Variants in ECPAS observed in about 807,000 individuals in gnomAD.
ECPAS encodes the protein Ecm29 proteasome adaptor and scaffold.
Under a neutral mutation model 255.1 loss-of-function variants are expected in ECPAS, and 70 were observed. That is an observed-to-expected ratio of 0.27 (90% CI 0.23 to 0.33). The LOEUF (loss-of-function observed/expected upper bound fraction) is 0.33, where lower values mean the gene tolerates loss of function less well. ECPAS is among the 10% of genes least tolerant of loss of function. ECPAS has a pLI of 1.00. For missense variants in ECPAS, 1,817 were observed against 2,206.4 expected (o/e 0.82, Z 3.54); for synonymous variants, 784 against 775.0 (o/e 1.01, Z -0.19).
At chr9:111,446,324 A>G (rs1055184230) in intron 3 of ECPAS, among the ~76,000 whole-genome samples, 3 of 152,258 alleles carry the variant, frequency 2.0e-5, no homozygotes, top group Non-Finnish European at 4.4e-5. Flanking sequence ...ATTTCTGCCA[A>G]CAGAAAAGAA....
intron 20 of ECPAS, among the ~76,000 whole-genome samples, chr9:111,413,664 G>A (rs1488361558): frequency 1.3e-5 from 2 of 151,352 alleles, no homozygotes; most frequent in Non-Finnish European, 2.9e-5. Flanking sequence ...AAACAGAAAA[G>A]GAACTTTTTT....
At chr9:111,480,338 C>A (rs1269700233) in intron 1 of ECPAS, among the ~76,000 whole-genome samples, 1 of 134,536 alleles carries the variant, frequency 7.4e-6, no homozygotes, top group East Asian at 2.2e-4. Context: ...AGCTCTGTTG[C>A]CCAGGCTGGA....
intron 24 of ECPAS, among the ~76,000 whole-genome samples, chr9:111,400,152 T>C (rs1366460999): frequency 6.6e-6 from 1 of 152,220 alleles, no homozygotes; most frequent in African/African-American, 2.4e-5. Flanking sequence ...AGTCCATCAA[T>C]GCTGGGTATC....
At chr9:111,421,821 GCAAATA>G in intron 15 of ECPAS, 94 bp downstream of exon 15, 2 of 1,374,982 alleles carry the variant, frequency 1.5e-6, no homozygotes, top group Non-Finnish European at 2.0e-6. Context: ...CCAAGTGAAA[GCAAATA>G]CTCCTCTTAT....
intron 12 of ECPAS, among the ~76,000 whole-genome samples, chr9:111,424,848 A>C (rs931381262): frequency 6.6e-6 from 1 of 152,224 alleles, no homozygotes; most frequent in Admixed American, 6.5e-5. Context: ...AAGTAGCACA[A>C]AAGGTGCTGG....
chr9:111,420,781 C>T (rs1256983374), intron 15 of ECPAS, among the ~76,000 whole-genome samples: 1 of 152,130 alleles, frequency 6.6e-6, no homozygotes, highest in African/African-American at 2.4e-5. Flanking sequence ...ATAAGAGAGA[C>T]ATTAAAAATA....
chr9:111,464,935 G>A (rs1365085390), intron 2 of ECPAS, among the ~76,000 whole-genome samples: 1 of 152,172 alleles, frequency 6.6e-6, no homozygotes, highest in East Asian at 1.9e-4. Flanking sequence ...TGTAATCCCA[G>A]CACTTTGGGA....
At chr9:111,373,036 A>AAAAAG (rs901127155) in intron 41 of ECPAS, 134 bp downstream of exon 41, 2 of 838,828 alleles carry the variant, frequency 2.4e-6, no homozygotes, top group Non-Finnish European at 3.8e-6. Context: ...CATCTCAAAA[A>AAAAAG]AAAAGAAAAG....
chr9:111,392,595 T>C (rs2098161852), intron 28 of ECPAS, among the ~76,000 whole-genome samples, 173 bp downstream of exon 28: 1 of 152,184 alleles, frequency 6.6e-6, no homozygotes, highest in African/African-American at 2.4e-5. Flanking sequence ...AAGTTAACAG[T>C]ATACCCTGGA....
At chr9:111,409,151 C>G (rs190518438) in intron 23 of ECPAS, among the ~76,000 whole-genome samples, 44 of 152,314 alleles carry the variant, frequency 2.9e-4, no homozygotes, top group African/African-American at 1.0e-3. Context: ...AACATACTCT[C>G]CGGCACATTA....
intron 36 of ECPAS, 48 bp from the exon 37 acceptor site, chr9:111,376,589 AT>A (rs1224550013): frequency 7.1e-7 from 1 of 1,409,044 alleles, no homozygotes; most frequent in East Asian, 2.4e-5. Flanking sequence ...TTAATTAGGA[AT>A]AATCCGCACA....
intron 2 of ECPAS, 90 bp from the exon 3 acceptor site, chr9:111,451,645 C>T: frequency 1.6e-6 from 2 of 1,241,188 alleles, no homozygotes; most frequent in Non-Finnish European, 2.2e-6. Context: ...TTTTTCTGTA[C>T]TGCAATCCTT....
chr9:111,419,407 A>G (rs1424698684), intron 16 of ECPAS, among the ~76,000 whole-genome samples: 1 of 152,204 alleles, frequency 6.6e-6, no homozygotes, highest in Non-Finnish European at 1.5e-5. Flanking sequence ...CATATAACAG[A>G]TTTGAAAAGA....
At chr9:111,481,563 G>A (rs146711583) in intron 1 of ECPAS, among the ~76,000 whole-genome samples, 122 of 152,026 alleles carry the variant, frequency 8.0e-4, no homozygotes, top group African/African-American at 2.8e-3. Context: ...TTTAAAACTA[G>A]AACTATCACA....
chr9:111,440,298 A>C lies in ECPAS; in HGVS notation c.539+74T>G, dbSNP rs745803738. 135 of 1,326,532 alleles carry C rather than the reference A, an allele frequency of 1.0e-4. 1 individual carries two copies. Among genetic ancestry groups the C allele is most frequent in the Non-Finnish European group, 1.3e-4 (128 of 976,880 alleles). The allele number at this position is 1,326,532 out of a possible 1,614,324, so 82.2% of individuals were successfully genotyped here. On this transcript the variant is annotated intron_variant, in intron 6 of 49. Transcript: ENST00000684092. Reference sequence around the variant, plus strand: ...GCATTCATTTACTAGTGAGAGTTTAATCATTTAAAATAGTACTTAACTCCC... The same window carrying C: ...GCATTCATTTACTAGTGAGAGTTTACTCATTTAAAATAGTACTTAACTCCC...
At position 111,437,126 on chromosome 9, in the gene ECPAS, C is replaced by T. The variant is rs917614040; in HGVS notation, c.540-18G>A. 7 of 1,564,300 alleles carry T rather than the reference C, an allele frequency of 4.5e-6. No individual in the cohort carries two copies. Among genetic ancestry groups the T allele is most frequent in the Middle Eastern group, 1.7e-4 (1 of 5,848 alleles). On this transcript the variant is annotated intron_variant, in intron 6 of 49. Coordinates refer to ENST00000684092, the MANE Select transcript of ECPAS (RefSeq NM_001364929.1). ...ACACGTAACTGGAAAGGAAATAACA[C>T]TTTAACCCTCTATAAATACAAAAGC...
chr9:111,451,867 T>C (rs1193605634), intron 2 of ECPAS, among the ~76,000 whole-genome samples: 5 of 152,246 alleles, frequency 3.3e-5, no homozygotes, highest in Admixed American at 3.3e-4. Flanking sequence ...CTTCTGGAAC[T>C]AGTTAGTAGA....
chr9:111,454,706 T>G (rs2131981334), intron 2 of ECPAS, among the ~76,000 whole-genome samples: 1 of 151,668 alleles, frequency 6.6e-6, no homozygotes, highest in South Asian at 2.1e-4. Context: ...TATTTTTCTT[T>G]TCCTTTTTTT....
chr9:111,364,252 G>C (rs552868708), intron 48 of ECPAS, among the ~76,000 whole-genome samples: 1 of 152,310 alleles, frequency 6.6e-6, no homozygotes, highest in South Asian at 2.1e-4. Context: ...AAGCAGGGTA[G>C]GCATGAGATG....
Sources: gnomAD v4.1 joint callset for allele counts (sites outside exome capture counted in the v4.1 genomes callset) on GRCh38, gnomAD v4.1.1 for gene constraint, MANE v1.5 for transcripts, NCBI Gene and HGNC (gene_info 2026-07-23, HGNC 2026-07-21) for gene names.